The following HDAC9 variants were observed in gnomAD, a reference collection of about 807,000 sequenced individuals.
HDAC9 encodes histone deacetylase 9.
In HDAC9, 41 loss-of-function variants were observed where a neutral mutation model predicts 139.4. The observed-to-expected ratio is 0.29, with a 90% CI of 0.23 to 0.38. The LOEUF (loss-of-function observed/expected upper bound fraction) is 0.38, where lower values mean the gene tolerates loss of function less well. Among genes scored for constraint, HDAC9 ranks in the 10% least tolerant of loss-of-function variants. HDAC9 has a pLI of 1.00. For synonymous variants in HDAC9, 517 were observed against 476.2 expected, an observed-to-expected ratio of 1.09 and a Z score of -1.12; for missense variants, 1,147 against 1,297.0, an observed-to-expected ratio of 0.88 and a Z score of 1.78.
chr7:18,697,972 T>G (rs1783178664), intron 12 of HDAC9, among the ~76,000 whole-genome samples: 1 of 152,058 alleles, frequency 6.6e-6, no homozygotes, highest in Non-Finnish European at 1.5e-5. Flanking sequence ...TAACTACTCA[T>G]GAATCAATGA....
At chr7:18,675,084 AGAC>A (rs557246533) in intron 12 of HDAC9, among the ~76,000 whole-genome samples, 24 of 152,172 alleles carry the variant, frequency 1.6e-4, no homozygotes, top group African/African-American at 5.5e-4. Flanking sequence ...CTTGGAAAGA[AGAC>A]AAAATGATTC....
intron 17 of HDAC9, among the ~76,000 whole-genome samples, chr7:18,808,627 C>T (rs1793925561): frequency 6.6e-6 from 1 of 151,698 alleles, no homozygotes. Flanking sequence ...AACTATAAAA[C>T]ATTGATGGGA....
At chr7:18,985,528 G>A (rs1302156791) in intron 25 of HDAC9, among the ~76,000 whole-genome samples, 8 of 151,902 alleles carry the variant, frequency 5.3e-5, no homozygotes, top group South Asian at 2.1e-4. Flanking sequence ...CGCAATAAAC[G>A]TACGTGTGCG....
At chr7:18,823,518 G>C (rs1486051321) in intron 17 of HDAC9, among the ~76,000 whole-genome samples, 1 of 152,140 alleles carries the variant, frequency 6.6e-6, no homozygotes, top group East Asian at 1.9e-4. Context: ...GAGTATGTTG[G>C]AGGGAGAAAG....
rs547976289 is a variant in HDAC9, at chr7:18,275,960, A to G, written c.25+113611A>G. Among the ~76,000 whole-genome samples, 4 of 152,306 alleles carry G rather than the reference A, an allele frequency of 2.6e-5. No homozygotes were observed. The South Asian group carries it at 6.2e-4, about 24-fold the overall frequency. ...TTTTGTCTGTCTTATCCACAGGCATATCCCCAGCACCTTGAAGAGTACAGG... is the reference window on the plus strand; with the variant it reads ...TTTTGTCTGTCTTATCCACAGGCATGTCCCCAGCACCTTGAAGAGTACAGG... On this transcript the variant is annotated intron_variant, in intron 2 of 12. Coordinates refer to the HDAC9 transcript ENST00000417496.
At chr7:18,928,513 T>C (rs376202532) in intron 22 of HDAC9, among the ~76,000 whole-genome samples, 21 of 152,292 alleles carry the variant, frequency 1.4e-4, no homozygotes, top group African/African-American at 4.6e-4. Flanking sequence ...CTAACATACA[T>C]TGGTCACTTT....
chr7:18,260,307 TTTTGTTTTTTTTTTTG>T lies in HDAC9; in HGVS notation c.25+97962_25+97977del, dbSNP rs1187395102. Among the ~76,000 whole-genome samples the T allele has an allele frequency of 2.6e-3, 309 of 120,166 alleles. 3 individuals carry two copies. The highest frequency in any genetic ancestry group is 3.9e-3 in the Non-Finnish European group (207 of 52,430). The allele number at this position is 120,166 out of a possible 152,430, so 78.8% of individuals were successfully genotyped here. On this transcript the variant is annotated intron_variant, in intron 2 of 12. Transcript: ENST00000417496. ...TGCTAATTCTGTGACAGACACTTTT[TTTTGTTTTTTTTTTTG>T]TTTTTTTTTTTTTTGAGATGGAGTG...
chr7:18,602,907 C>T (rs1834374652), intron 6 of HDAC9, among the ~76,000 whole-genome samples: 1 of 152,056 alleles, frequency 6.6e-6, no homozygotes, highest in Non-Finnish European at 1.5e-5. Flanking sequence ...ACTAAAGTCT[C>T]CAACCGTAAT....
chr7:18,279,242 C>T (rs1463804421), intron 2 of HDAC9, among the ~76,000 whole-genome samples: 1 of 152,064 alleles, frequency 6.6e-6, no homozygotes, highest in Admixed American at 6.6e-5. Context: ...TTTTGTTGTC[C>T]CAATGTTAGT....
Position 18,095,409 on chromosome 7 carries a change from A to G in HDAC9, c.-97+8196A>G, listed in dbSNP as rs186693478. Among the ~76,000 whole-genome samples, 10 of 152,316 alleles carry G rather than the reference A, an allele frequency of 6.6e-5. No homozygotes were observed. The East Asian group carries it at 1.4e-3, about 21-fold the overall frequency. The stretch of plus-strand genomic sequence containing the variant: ...TTTTATTACCCCAAACAGCATCCTT[A>G]TATTTTTGAAATATAGTAGTATATT... On this transcript the variant is annotated intron_variant, in intron 1 of 12. Coordinates refer to the HDAC9 transcript ENST00000417496.
intron 6 of HDAC9, among the ~76,000 whole-genome samples, chr7:18,617,952 A>T (rs549059980): frequency 6.6e-6 from 1 of 152,284 alleles, no homozygotes; most frequent in Admixed American, 6.5e-5. Context: ...TGGGTAAATC[A>T]GAAGAAAACA....
At chr7:18,456,128 A>T (rs1793321394) in intron 1 of HDAC9, among the ~76,000 whole-genome samples, 1 of 152,212 alleles carries the variant, frequency 6.6e-6, no homozygotes, top group African/African-American at 2.4e-5. Context: ...ATTAGGTAAA[A>T]TAATTACAGC....
At chr7:18,183,729 C>T (rs1789685419) in intron 2 of HDAC9, among the ~76,000 whole-genome samples, 1 of 152,152 alleles carries the variant, frequency 6.6e-6, no homozygotes, top group East Asian at 1.9e-4. Flanking sequence ...AAGAGATCCT[C>T]CTGCTTTGGC....
chr7:18,642,249 C>G (rs1785877823), intron 8 of HDAC9, among the ~76,000 whole-genome samples: 1 of 145,930 alleles, frequency 6.9e-6, no homozygotes, highest in South Asian at 2.2e-4. Context: ...GTCACCGGAG[C>G]TTTTTTCTTG....
chr7:18,679,502 CTTTCT>C (rs904664505), intron 12 of HDAC9, among the ~76,000 whole-genome samples: 2 of 149,800 alleles, frequency 1.3e-5, no homozygotes, highest in Admixed American at 6.7e-5. Context: ...CTTTTCTTTT[CTTTCT>C]TTTCTTTCCT....
At chr7:18,539,284 C>G (rs1811941427) in intron 2 of HDAC9, among the ~76,000 whole-genome samples, 1 of 151,854 alleles carries the variant, frequency 6.6e-6, no homozygotes, top group Admixed American at 6.6e-5. Flanking sequence ...ATCCTCAGTC[C>G]AATCACAAAA....
chr7:18,458,811 C>T, intron 1 of HDAC9: 17 of 1,505,952 alleles, frequency 1.1e-5, no homozygotes, highest in Non-Finnish European at 1.5e-5. Flanking sequence ...AGGGTCCTTC[C>T]TTCTTCAACC....
intron 21 of HDAC9, among the ~76,000 whole-genome samples, chr7:18,842,929 T>TGA (rs1796678437): frequency 6.6e-6 from 1 of 152,068 alleles, no homozygotes. Flanking sequence ...TTGAAGTACT[T>TGA]GAAGTTTTGA....
intron 2 of HDAC9, among the ~76,000 whole-genome samples, chr7:18,264,989 C>G (rs558490942): frequency 6.6e-6 from 1 of 152,012 alleles, no homozygotes; most frequent in Non-Finnish European, 1.5e-5. Context: ...TTTAGTTACT[C>G]TAGGAATAGC....
Sources: gnomAD v4.1 joint callset for allele counts (sites outside exome capture counted in the v4.1 genomes callset) on GRCh38, gnomAD v4.1.1 for gene constraint, MANE v1.5 for transcripts, NCBI Gene and HGNC (gene_info 2026-07-23, HGNC 2026-07-21) for gene names.